The following SLAMF1 variants were observed in gnomAD, a reference collection of about 807,000 sequenced individuals.
SLAMF1 encodes the protein signaling lymphocytic activation molecule family member 1, also known as signaling lymphocytic activation molecule.
Under a neutral mutation model 35.1 loss-of-function variants are expected in SLAMF1, and 18 were observed. The observed-to-expected ratio is 0.51, with a 90% CI of 0.35 to 0.76. The LOEUF (loss-of-function observed/expected upper bound fraction) is 0.76. Ranked by LOEUF, SLAMF1 falls within the 30% of genes least tolerant of loss-of-function variation. SLAMF1 has a pLI of 0.01. For missense variants in SLAMF1, 392 were observed against 413.0 expected, an observed-to-expected ratio of 0.95 and a Z score of 0.44; for synonymous variants, 168 against 157.2, an observed-to-expected ratio of 1.07 and a Z score of -0.51.
chr1:160,609,364 T>C lies in SLAMF1; in HGVS notation c.*1384A>G, dbSNP rs900033641. On this transcript the variant is annotated 3_prime_UTR_variant, in exon 7 of 7. Transcript: ENST00000302035. ...AAAGCCAAAGCCAGCTTCTGTTGAT[T>C]GCAACTAAGAACTCTATTAAAGAAG... 1 of 152,228 alleles carries C rather than the reference T, an allele frequency of 6.6e-6. No individual in the cohort carries two copies. The highest frequency in any genetic ancestry group is 2.4e-5 in the African/African-American group (1 of 41,452). 9.4% of individuals were successfully genotyped at this position (152,228 alleles called of 1,614,324 possible). A position where few individuals can be genotyped will look rare whatever the true frequency, so the allele number is the denominator to read the frequency against.
At chr1:160,620,368 C>CG (rs551159213) in intron 4 of SLAMF1, among the ~76,000 whole-genome samples, 137 of 151,874 alleles carry the variant, frequency 9.0e-4, no homozygotes, top group African/African-American at 2.7e-3. Flanking sequence ...GAGGTAAGGG[C>CG]GGGGGGACGT....
intron 1 of SLAMF1, among the ~76,000 whole-genome samples, chr1:160,643,044 C>A (rs894525779): frequency 2.4e-4 from 5 of 20,902 alleles, no homozygotes; most frequent in African/African-American, 2.6e-4. Context: ...ATGCTTTGGC[C>A]CCCCACTTCC....
intron 5 of SLAMF1, among the ~76,000 whole-genome samples, chr1:160,613,466 G>A (rs920795714): frequency 6.6e-6 from 1 of 152,124 alleles, no homozygotes; most frequent in African/African-American, 2.4e-5. Context: ...ACAATTCCTG[G>A]ACAAAGACCT....
chr1:160,646,132 TAGAC>T (rs1252576110), intron 1 of SLAMF1, among the ~76,000 whole-genome samples: 1 of 152,210 alleles, frequency 6.6e-6, no homozygotes, highest in Non-Finnish European at 1.5e-5. Context: ...GGGAAGAAGA[TAGAC>T]AGAAAGACAG....
intron 2 of SLAMF1, among the ~76,000 whole-genome samples, chr1:160,635,906 T>C (rs1298624544): frequency 2.6e-5 from 4 of 152,148 alleles, no homozygotes; most frequent in Admixed American, 1.3e-4. Context: ...ATTATAACTC[T>C]AGTTGTAATT....
intron 3 of SLAMF1, among the ~76,000 whole-genome samples, chr1:160,625,223 C>T (rs898395030): frequency 1.3e-5 from 2 of 152,106 alleles, no homozygotes; most frequent in African/African-American, 4.8e-5. Flanking sequence ...CCCTAGGGTT[C>T]TAAGTAGAAT....
rs200220397 is a variant in SLAMF1 at position 160,624,176 on chromosome 1, G to A, written c.710C>T (p.Pro237Leu). The A allele has an allele frequency of 2.5e-4, 408 of 1,606,150 alleles. No homozygotes were observed. The highest frequency in any genetic ancestry group is 8.3e-4 in the Middle Eastern group (5 of 6,034). Residue 237 changes from proline to leucine, a missense_variant, in exon 4 of 7, where the codon CCA becomes CTA. Physicochemically the swap from Pro to Leu is moderately conservative, Grantham distance 98. Transcript: ENST00000302035. ...GCRTDPSETK[P>L]WAVYAGLLGG... Reference sequence around the variant, plus strand: ...TAACAGCCCAGCATACACTGCCCATGGTTTTGTTTCTGGAAAAAAAAAGAA... The same window carrying A: ...TAACAGCCCAGCATACACTGCCCATAGTTTTGTTTCTGGAAAAAAAAAGAA...
chr1:160,646,908 A>G lies in SLAMF1; in HGVS notation c.38T>C (p.Leu13Pro), dbSNP rs1252689779. 6.2e-7 allele frequency: 1 copy of G among 1,609,070 alleles called. No homozygotes were observed. Among genetic ancestry groups the G allele is most frequent in the Non-Finnish European group, 8.5e-7 (1 of 1,175,882 alleles). Reference sequence around the variant, plus strand: ...TGCCCCAAAAGCCAGGGAGAGAAACAGCACGAAGGTCAAGGAGAGGAGCCC... The same window carrying G: ...TGCCCCAAAAGCCAGGGAGAGAAACGGCACGAAGGTCAAGGAGAGGAGCCC... The part of the protein sequence containing the change: ...PKGLLSLTFV[L>P]FLSLAFGASY... Residue 13 changes from leucine to proline, a missense_variant, in exon 1 of 7, where the codon CTG (leucine) becomes CCG (proline). Leu to Pro is a moderately conservative substitution (Grantham distance 98, BLOSUM62 -3). Coordinates refer to ENST00000302035, the MANE Select transcript of SLAMF1 (RefSeq NM_003037.5).
intron 4 of SLAMF1, 143 bp from the exon 5 acceptor site, chr1:160,619,992 C>T: frequency 1.5e-6 from 1 of 675,374 alleles, no homozygotes; most frequent in Non-Finnish European, 2.7e-6. Flanking sequence ...AGCCCCCCTG[C>T]ACATTTGTCA....
At chr1:160,638,574 C>T (rs1303905819) in intron 1 of SLAMF1, among the ~76,000 whole-genome samples, 2 of 152,104 alleles carry the variant, frequency 1.3e-5, no homozygotes, top group Non-Finnish European at 2.9e-5. Context: ...CCCCAGATAC[C>T]TCTCCATTTC....
intron 4 of SLAMF1, among the ~76,000 whole-genome samples, chr1:160,620,153 C>T (rs980188246): frequency 2.6e-5 from 4 of 152,168 alleles, no homozygotes; most frequent in Non-Finnish European, 2.9e-5. Flanking sequence ...ATGCCCAATA[C>T]GCATTAGGTG....
intron 5 of SLAMF1, 85 bp downstream of exon 5, chr1:160,619,691 G>T: frequency 1.1e-6 from 1 of 890,498 alleles, no homozygotes; most frequent in Non-Finnish European, 1.9e-6. Flanking sequence ...ATGGAAAACT[G>T]TGAATGTCCA....
intron 3 of SLAMF1, among the ~76,000 whole-genome samples, chr1:160,626,841 C>T (rs1228874093): frequency 6.6e-6 from 1 of 152,144 alleles, no homozygotes. Context: ...TTCCTGGCCC[C>T]AGGCTCCACT....
chr1:160,608,215 G>C lies in SLAMF1; in HGVS notation c.*2533C>G, dbSNP rs912605712. 1 of 152,336 alleles carries C rather than the reference G, an allele frequency of 6.6e-6. No individual in the cohort carries two copies. The highest frequency in any genetic ancestry group is 1.9e-4 in the East Asian group (1 of 5,190). 9.4% of individuals were successfully genotyped at this position (152,336 alleles called of 1,614,324 possible). A position where few individuals can be genotyped will look rare whatever the true frequency, so the allele number is the denominator to read the frequency against. ...TCTCAGCCAGCACACACCACCCGCT[G>C]TAACAATCACATCCCCGCTGTGTGA... On this transcript the variant is annotated 3_prime_UTR_variant, in exon 7 of 7. Coordinates refer to ENST00000302035, the MANE Select transcript of SLAMF1 (RefSeq NM_003037.5).
chr1:160,615,666 A>G, intron 5 of SLAMF1: 1 of 243,724 alleles, frequency 4.1e-6, no homozygotes. Context: ...GAATGTCAAA[A>G]TGTGACTTTA....
At chr1:160,620,822 G>A (rs1487951309) in intron 4 of SLAMF1, among the ~76,000 whole-genome samples, 1 of 152,150 alleles carries the variant, frequency 6.6e-6, no homozygotes, top group East Asian at 1.9e-4. Flanking sequence ...ACAGACACGG[G>A]GCTATGGAGC....
At chr1:160,622,020 A>G (rs1222788553) in intron 4 of SLAMF1, among the ~76,000 whole-genome samples, 1 of 152,154 alleles carries the variant, frequency 6.6e-6, no homozygotes, top group Non-Finnish European at 1.5e-5. Context: ...CAAATAGAGT[A>G]GAGAACAGAC....
rs1021071210 is a variant in SLAMF1 at position 160,634,458 on chromosome 1, C to T, written c.700+155G>A. The T allele has an allele frequency of 4.2e-6, 4 of 947,306 alleles. No homozygotes were observed. The African/African-American group carries it at 7.1e-5, about 17-fold the overall frequency. The allele number at this position is 947,306 out of a possible 1,614,324, so 58.7% of individuals were successfully genotyped here. The stretch of plus-strand genomic sequence containing the variant: ...CCACCCTGGTCAATATGAGAGTGAG[C>T]TCACTAAATGCACATGGTAAACTTT... On this transcript the variant is annotated intron_variant, in intron 3 of 6. Transcript: ENST00000302035.
chr1:160,637,208 A>G lies in SLAMF1; in HGVS notation c.398T>C (p.Leu133Pro). 1 of 1,613,806 alleles carries G rather than the reference A, an allele frequency of 6.2e-7. No individual in the cohort carries two copies. The highest frequency in any genetic ancestry group is 8.5e-7 in the Non-Finnish European group (1 of 1,179,678). The change falls in exon 2 of 7, where the codon CTG becomes CCG. Residue 133 changes from leucine to proline, a missense_variant. Leu to Pro is a moderately conservative substitution (Grantham distance 98). Coordinates refer to ENST00000302035, the MANE Select transcript of SLAMF1 (RefSeq NM_003037.5). The stretch of plus-strand genomic sequence containing the variant: ...ATTATTACCATAAAGCCTCAACTGC[A>G]GGCAAAAGCGCTGAACTGAAACATT... ...EKNVSVQRFC[L>P]QLRLYEQVST...
Sources: allele counts gnomAD v4.1 joint callset (sites outside exome capture counted in the v4.1 genomes callset), GRCh38; gene constraint gnomAD v4.1.1; transcripts MANE v1.5; gene names NCBI Gene and HGNC (gene_info 2026-07-23, HGNC 2026-07-21).